The following SI variants were observed in gnomAD, a reference collection of about 807,000 sequenced individuals.
SI encodes sucrase-isomaltase, intestinal.
Under a neutral mutation model 253.3 loss-of-function variants are expected in SI, and 235 were observed. The observed-to-expected ratio is 0.93, with a 90% CI of 0.83 to 1.03. The LOEUF (loss-of-function observed/expected upper bound fraction) is 1.03, where lower values mean the gene tolerates loss of function less well. Among genes scored for constraint, SI ranks in the 50% least tolerant of loss-of-function variants. The pLI, the probability that SI is intolerant of heterozygous loss-of-function variation, is 0.00. For missense variants in SI, 2,442 were observed against 2,211.1 expected (o/e 1.10, Z -2.09); for synonymous variants, 819 against 712.0 (o/e 1.15, Z -2.39).
intron 14 of SI, 70 bp from the exon 15 acceptor site, chr3:165,049,314 A>G: frequency 1.1e-6 from 1 of 871,396 alleles, no homozygotes; most frequent in Non-Finnish European, 1.9e-6. Flanking sequence ...TTCCATCATA[A>G]ATGTCATATT....
intron 15 of SI, among the ~76,000 whole-genome samples, chr3:165,048,461 G>T (rs986711197): frequency 2.0e-5 from 3 of 150,350 alleles, no homozygotes; most frequent in Non-Finnish European, 4.4e-5. Context: ...TGAGATGCAA[G>T]CTTAAAACAC....
intron 7 of SI, 32 bp downstream of exon 7, chr3:165,065,229 T>C (rs777014052): frequency 1.4e-6 from 2 of 1,423,954 alleles, no homozygotes; most frequent in East Asian, 4.7e-5. Context: ...AATATAGTGA[T>C]TTTATTTATA....
chr3:165,078,298 T>C lies in SI; in HGVS notation c.-1+135A>G, dbSNP rs904842628. Reference sequence around the variant, plus strand: ...AATACAAGGTACTACATATTTCAAATGGCAACTTAAAATATATGATATTGC... The same window carrying C: ...AATACAAGGTACTACATATTTCAAACGGCAACTTAAAATATATGATATTGC... On this transcript the variant is annotated intron_variant, in intron 1 of 47. Coordinates refer to ENST00000264382, the MANE Select transcript of SI (RefSeq NM_001041.4). 3 of 151,872 alleles carry C rather than the reference T, an allele frequency of 2.0e-5. No individual in the cohort carries two copies. In the Admixed American group the frequency reaches 2.0e-4, roughly 10 times the overall value. The allele number at this position is 151,872 out of a possible 1,614,324, so 9.4% of individuals were successfully genotyped here.
intron 3 of SI, among the ~76,000 whole-genome samples, chr3:165,071,942 A>C (rs1714605423): frequency 6.6e-6 from 1 of 152,130 alleles, no homozygotes; most frequent in Non-Finnish European, 1.5e-5. Context: ...GAGCTAATGC[A>C]CTTTGCATGG....
Position 165,049,186 on chromosome 3 carries a change from C to G in SI, c.1656G>C (p.Trp552Cys), listed in dbSNP as rs1415993217. The change falls in exon 15 of 48, where the codon TGG becomes TGC. Residue 552 changes from tryptophan to cysteine, a missense_variant. By Grantham distance (215) the Trp-to-Cys change is radical. Coordinates refer to ENST00000264382, the MANE Select transcript of SI (RefSeq NM_001041.4). ...KTICMDAVQNWGKQYDVHSLY... is the reference protein window; with the variant it reads ...KTICMDAVQNCGKQYDVHSLY... Reference sequence around the variant, plus strand: ...GGCTATGAACATCATACTGTTTACCCCAGTTCTGCACAGCATCCATGCAAA... The same window carrying G: ...GGCTATGAACATCATACTGTTTACCGCAGTTCTGCACAGCATCCATGCAAA... The G allele has an allele frequency of 1.2e-6, 2 of 1,612,624 alleles. No homozygotes were observed. The highest frequency in any genetic ancestry group is 2.2e-5 in the East Asian group (1 of 44,724).
At chr3:165,082,307 T>C (rs1409708552), upstream of SI, among the ~76,000 whole-genome samples, 2 of 152,030 alleles carry the variant, frequency 1.3e-5, no homozygotes, top group East Asian at 3.9e-4. Flanking sequence ...TAATTCTATT[T>C]ATTTGCTGCT....
At position 165,023,674 on chromosome 3, in the gene SI, G is replaced by A. The variant is rs1388065017; in HGVS notation, c.2995C>T (p.Leu999Phe). The change falls in exon 26 of 48, where the codon CTC (leucine) becomes TTC (phenylalanine). Residue 999 changes from leucine (L) to phenylalanine (F), a missense_variant. Leu to Phe is a conservative substitution (Grantham distance 22). Coordinates refer to ENST00000264382, the MANE Select transcript of SI (RefSeq NM_001041.4). ...CTGGCATTTGCAGTATTTAGTTGGA[G>A]GTCAGCTGTTATACCCATGGATGAA... ...RYSSMGITAD[L>F]QLNTANARIK... is the part of the protein sequence containing the mutation. 1.2e-6 allele frequency: 2 copies of A among 1,610,842 alleles called. No homozygotes were observed. Among genetic ancestry groups the A allele is most frequent in the South Asian group, 2.2e-5 (2 of 91,046 alleles).
At chr3:165,028,210 C>A (rs1231256379) in intron 25 of SI, among the ~76,000 whole-genome samples, 8 of 150,188 alleles carry the variant, frequency 5.3e-5, no homozygotes, top group Non-Finnish European at 9.0e-5. Flanking sequence ...ATAAAATAAA[C>A]TAAAATACTT....
chr3:164,979,087 A>G lies in SI; in HGVS notation c.*275T>C. The G allele has an allele frequency of 3.3e-6, 1 of 306,682 alleles. No individual in the cohort carries two copies. Among genetic ancestry groups the G allele is most frequent in the Non-Finnish European group, 6.1e-6 (1 of 164,734 alleles). 19.0% of individuals were successfully genotyped at this position (306,682 alleles called of 1,614,324 possible). ...AATTATATCTTAGCTATTTACATAC[A>G]TGTTTAGTAACTAGTTTACAATTGT... On this transcript the variant is annotated 3_prime_UTR_variant, in exon 48 of 48. Transcript: ENST00000264382.
rs898315284 is a variant in SI at position 165,038,927 on chromosome 3, T to TAGGGA, written c.2301+150_2301+151insTCCCT. 9.0e-6 allele frequency: 5 copies of TAGGGA among 555,412 alleles called. No individual in the cohort carries two copies. The African/African-American group carries it at 9.5e-5, about 11-fold the overall frequency. The allele number at this position is 555,412 out of a possible 1,614,324, so 34.4% of individuals were successfully genotyped here. On this transcript the variant is annotated intron_variant, in intron 20 of 47. Transcript: ENST00000264382. Reference sequence around the variant, plus strand: ...ACTTACACAAATTTTAACACATTTTTAAAGTCTGAAATTATTATTTTTTAT... The same window carrying TAGGGA: ...ACTTACACAAATTTTAACACATTTTTAGGGAAAAGTCTGAAATTATTATTTTTTAT...
intron 1 of SI, among the ~76,000 whole-genome samples, chr3:165,077,020 T>C (rs1337229691): frequency 2.0e-5 from 3 of 150,792 alleles, no homozygotes; most frequent in South Asian, 2.1e-4. Context: ...CCCTGTTCTG[T>C]AACTATGTCA....
At position 165,017,646 on chromosome 3, in the gene SI, A is replaced by T. The variant is rs775932861; in HGVS notation, c.3661T>A (p.Tyr1221Asn). 1.2e-6 allele frequency: 2 copies of T among 1,612,870 alleles called. No homozygotes were observed. The highest frequency in any genetic ancestry group is 2.2e-5 in the South Asian group (2 of 91,070). Residue 1221 changes from tyrosine to asparagine, a missense_variant, in exon 31 of 48, where the codon TAT (tyrosine) becomes AAT (asparagine). Physicochemically the swap from Tyr to Asn is moderately radical, Grantham distance 143 (BLOSUM62 -2). Coordinates refer to ENST00000264382, the MANE Select transcript of SI (RefSeq NM_001041.4). ...CATAATTGGAATCCCAAAGCCCAATAAGCTGGCATGACTGGATGGCCAATT... is the reference window on the plus strand; with the variant it reads ...CATAATTGGAATCCCAAAGCCCAATTAGCTGGCATGACTGGATGGCCAATT... The part of the protein sequence containing the change: ...EVIGHPVMPA[Y>N]WALGFQLCRY...
At chr3:165,028,868 C>A (rs1335836395) in intron 25 of SI, among the ~76,000 whole-genome samples, 1 of 150,918 alleles carries the variant, frequency 6.6e-6, no homozygotes, top group East Asian at 1.9e-4. Context: ...TTGTCTCAGG[C>A]AAGGATTTGA....
At chr3:165,056,562 C>T (rs990446555) in intron 12 of SI, among the ~76,000 whole-genome samples, 1 of 152,148 alleles carries the variant, frequency 6.6e-6, no homozygotes, top group East Asian at 1.9e-4. Flanking sequence ...CATTCCCCAA[C>T]AGTGCCCATG....
intron 2 of SI, among the ~76,000 whole-genome samples, chr3:165,075,428 C>CT (rs1488813102): frequency 6.6e-6 from 1 of 151,916 alleles, no homozygotes; most frequent in East Asian, 1.9e-4. Flanking sequence ...CTATCCAAGT[C>CT]TTTTTTCAAC....
At chr3:165,033,751 G>T (rs1190761770) in intron 22 of SI, among the ~76,000 whole-genome samples, 1 of 151,396 alleles carries the variant, frequency 6.6e-6, no homozygotes, top group Admixed American at 6.6e-5. Flanking sequence ...AATTAAAAAT[G>T]TATTATTTTG....
intron 45 of SI, among the ~76,000 whole-genome samples, chr3:164,986,120 G>A (rs1264567887): frequency 6.6e-6 from 1 of 152,104 alleles, no homozygotes; most frequent in Non-Finnish European, 1.5e-5. Context: ...CTACCTCCTT[G>A]TTGTAGAGGC....
At chr3:165,041,897 T>C (rs1356993149) in intron 17 of SI, among the ~76,000 whole-genome samples, 1 of 152,064 alleles carries the variant, frequency 6.6e-6, no homozygotes, top group East Asian at 1.9e-4. Context: ...AGGCCTATTC[T>C]TGGGAGATGC....
chr3:164,997,433 G>A (rs956013270), intron 38 of SI, among the ~76,000 whole-genome samples: 3 of 145,330 alleles, frequency 2.1e-5, no homozygotes, highest in African/African-American at 8.1e-5. Context: ...AATTTGGTTC[G>A]AAATGTTTCT....
Sources: allele counts gnomAD v4.1 joint callset (sites outside exome capture counted in the v4.1 genomes callset), GRCh38; gene constraint gnomAD v4.1.1; transcripts MANE v1.5; gene names NCBI Gene and HGNC (gene_info 2026-07-23, HGNC 2026-07-21).